Variants in NXPH2 observed in about 807,000 individuals in gnomAD.
NXPH2 encodes the protein neurexophilin-2.
A neutral mutation model predicts 19.8 loss-of-function variants in NXPH2; 5 were observed. The ratio of observed to expected loss-of-function variants is 0.25; its 90% confidence interval spans 0.13 to 0.53. NXPH2 has a LOEUF of 0.53. Ranked by LOEUF, NXPH2 falls within the 20% of genes least tolerant of loss-of-function variation. The pLI, the probability that NXPH2 is intolerant of heterozygous loss-of-function variation, is 0.96. For missense variants in NXPH2, 289 were observed against 322.8 expected (o/e 0.90, Z 0.80); for synonymous variants, 154 against 127.4 (o/e 1.21, Z -1.41).
intron 1 of NXPH2, among the ~76,000 whole-genome samples, chr2:138,707,422 A>G (rs1681033431): frequency 6.6e-6 from 1 of 152,186 alleles, no homozygotes; most frequent in African/African-American, 2.4e-5. Flanking sequence ...GGATATTTTT[A>G]TGAATCACTT....
At chr2:138,681,873 C>T (rs1057285451) in intron 1 of NXPH2, among the ~76,000 whole-genome samples, 5 of 152,092 alleles carry the variant, frequency 3.3e-5, no homozygotes, top group Admixed American at 3.3e-4. Flanking sequence ...GTGTTGTTAA[C>T]GATGGGATCT....
intron 1 of NXPH2, among the ~76,000 whole-genome samples, chr2:138,736,386 G>A (rs1681538721): frequency 6.6e-6 from 1 of 152,216 alleles, no homozygotes; most frequent in South Asian, 2.1e-4. Context: ...ACACTATGTG[G>A]AAGCTGCTCA....
chr2:138,778,065 A>G (rs1682293983), intron 1 of NXPH2, among the ~76,000 whole-genome samples: 1 of 152,190 alleles, frequency 6.6e-6, no homozygotes, highest in African/African-American at 2.4e-5. Flanking sequence ...GGAGTAGGGC[A>G]TATGCTGGGA....
chr2:138,742,664 C>T (rs868758586), intron 1 of NXPH2, among the ~76,000 whole-genome samples: 1 of 152,204 alleles, frequency 6.6e-6, no homozygotes, highest in Middle Eastern at 3.2e-3. Context: ...TTGGCTGAAA[C>T]TGTATCCATT....
chr2:138,699,532 G>C (rs2104981017), intron 1 of NXPH2, among the ~76,000 whole-genome samples: 1 of 152,126 alleles, frequency 6.6e-6, no homozygotes, highest in East Asian at 1.9e-4. Context: ...AGCAGCATCC[G>C]GCACACGGGA....
intron 1 of NXPH2, among the ~76,000 whole-genome samples, chr2:138,742,681 A>AAG (rs1231806295): frequency 6.6e-6 from 1 of 152,200 alleles, no homozygotes; most frequent in East Asian, 1.9e-4. Flanking sequence ...CATTCCTAGC[A>AAG]AGCAGGCATC....
chr2:138,706,619 A>G (rs185005174), intron 1 of NXPH2, among the ~76,000 whole-genome samples: 50 of 152,322 alleles, frequency 3.3e-4, no homozygotes, highest in Non-Finnish European at 5.7e-4. Flanking sequence ...TGTTCTTTAT[A>G]TGAAAATTAA....
At chr2:138,776,089 T>C (rs1466488925) in intron 1 of NXPH2, among the ~76,000 whole-genome samples, 1 of 152,118 alleles carries the variant, frequency 6.6e-6, no homozygotes, top group South Asian at 2.1e-4. Flanking sequence ...TCATCTTTGA[T>C]TGCTACCACT....
At chr2:138,705,654 A>G (rs1480306914) in intron 1 of NXPH2, among the ~76,000 whole-genome samples, 1 of 152,196 alleles carries the variant, frequency 6.6e-6, no homozygotes, top group African/African-American at 2.4e-5. Context: ...GGAGCTAACT[A>G]TCTCCCAAGG....
intron 1 of NXPH2, among the ~76,000 whole-genome samples, chr2:138,754,169 A>G (rs1681866549): frequency 6.6e-6 from 1 of 152,106 alleles, no homozygotes; most frequent in Non-Finnish European, 1.5e-5. Flanking sequence ...TTCATCCTGA[A>G]ATCCCCCAGC....
At chr2:138,770,362 A>C (rs1345592751) in intron 1 of NXPH2, among the ~76,000 whole-genome samples, 1 of 152,174 alleles carries the variant, frequency 6.6e-6, no homozygotes, top group Non-Finnish European at 1.5e-5. Context: ...CATAAAATAA[A>C]AATAAAAATT....
At chr2:138,690,192 A>G (rs1440138669) in intron 1 of NXPH2, among the ~76,000 whole-genome samples, 1 of 152,098 alleles carries the variant, frequency 6.6e-6, no homozygotes, top group South Asian at 2.1e-4. Flanking sequence ...CCAGAGCCTC[A>G]AGTTCTTCTT....
chr2:138,673,228 A>G (rs1680437796), intron 1 of NXPH2, among the ~76,000 whole-genome samples: 1 of 152,146 alleles, frequency 6.6e-6, no homozygotes, highest in Admixed American at 6.5e-5. Context: ...TTAGGGGCTT[A>G]TACACCCTGA....
chr2:138,709,012 A>G (rs1681057981), intron 1 of NXPH2, among the ~76,000 whole-genome samples: 1 of 152,210 alleles, frequency 6.6e-6, no homozygotes, highest in South Asian at 2.1e-4. Flanking sequence ...GCATTCTACC[A>G]AACAAAAAGC....
chr2:138,748,490 G>A (rs770581175), intron 1 of NXPH2, among the ~76,000 whole-genome samples: 1 of 151,970 alleles, frequency 6.6e-6, no homozygotes, highest in African/African-American at 2.4e-5. Flanking sequence ...AATAACAAAC[G>A]GTGTGCAAAA....
chr2:138,724,573 T>C (rs1681329407), intron 1 of NXPH2, among the ~76,000 whole-genome samples: 1 of 152,214 alleles, frequency 6.6e-6, no homozygotes, highest in African/African-American at 2.4e-5. Context: ...CCTAACCATT[T>C]TTCCCCTGGA....
At chr2:138,689,232 T>C (rs1553481403) in intron 1 of NXPH2, among the ~76,000 whole-genome samples, 1 of 152,190 alleles carries the variant, frequency 6.6e-6, no homozygotes, top group Non-Finnish European at 1.5e-5. Context: ...GAGCCATGCT[T>C]GAACAAGGAA....
chr2:138,728,548 C>T (rs1186772374), intron 1 of NXPH2, among the ~76,000 whole-genome samples: 1 of 152,102 alleles, frequency 6.6e-6, no homozygotes, highest in African/African-American at 2.4e-5. Flanking sequence ...TAAATGTTAG[C>T]TATTATTTTC....
At chr2:138,676,704 T>C (rs546532210) in intron 1 of NXPH2, among the ~76,000 whole-genome samples, 1 of 152,210 alleles carries the variant, frequency 6.6e-6, no homozygotes, top group East Asian at 1.9e-4. Flanking sequence ...GGCTCTTCCA[T>C]GGTCCAATGG....
Sources: gnomAD v4.1 joint callset for allele counts (sites outside exome capture counted in the v4.1 genomes callset) on GRCh38, gnomAD v4.1.1 for gene constraint, MANE v1.5 for transcripts, NCBI Gene and HGNC (gene_info 2026-07-23, HGNC 2026-07-21) for gene names.